The following INPP4B variants were observed in gnomAD, a reference collection of about 807,000 sequenced individuals.
INPP4B encodes inositol polyphosphate 4-phosphatase type II.
Under a neutral mutation model 122.5 loss-of-function variants are expected in INPP4B, and 55 were observed. The ratio of observed to expected loss-of-function variants is 0.45; its 90% CI spans 0.36 to 0.56. The LOEUF is 0.56. INPP4B is among the 20% of genes least tolerant of loss of function. The pLI is 0.00. For synonymous variants in INPP4B, 403 were observed against 388.7 expected (o/e 1.04, Z -0.43); for missense variants, 1,000 against 1,097.7 (o/e 0.91, Z 1.26).
chr4:142,805,001 T>C (rs1372032522), intron 1 of INPP4B, among the ~76,000 whole-genome samples: 2 of 152,182 alleles, frequency 1.3e-5, no homozygotes, highest in Non-Finnish European at 2.9e-5. Flanking sequence ...TCTGTATCAA[T>C]CACCACTATA....
At chr4:142,836,204 A>G (rs1018900154) in intron 1 of INPP4B, among the ~76,000 whole-genome samples, 7 of 152,170 alleles carry the variant, frequency 4.6e-5, no homozygotes. Context: ...ATATTTTGGC[A>G]CAGCTTTACA....
intron 1 of INPP4B, among the ~76,000 whole-genome samples, chr4:142,770,568 A>G (rs1772888700): frequency 6.6e-6 from 1 of 152,110 alleles, no homozygotes; most frequent in Admixed American, 6.6e-5. Context: ...TTAGGCAAGT[A>G]CCTTAGGTCA....
chr4:142,192,423 T>C (rs1040193155), intron 15 of INPP4B, among the ~76,000 whole-genome samples: 9 of 149,740 alleles, frequency 6.0e-5, no homozygotes, highest in Non-Finnish European at 1.0e-4. Flanking sequence ...ATAATGCACT[T>C]TATGTTTTAC....
intron 15 of INPP4B, among the ~76,000 whole-genome samples, chr4:142,178,849 AAT>A (rs1829518835): frequency 6.7e-6 from 1 of 149,892 alleles, no homozygotes; most frequent in African/African-American, 2.5e-5. Context: ...AAAAAAAAAA[AAT>A]GTGGTCTCTT....
At chr4:142,646,030 T>A (rs1436795901) in intron 2 of INPP4B, among the ~76,000 whole-genome samples, 1 of 152,306 alleles carries the variant, frequency 6.6e-6, no homozygotes, top group East Asian at 1.9e-4. Context: ...TGATCAGTAG[T>A]ATCCTGTGGC....
chr4:142,343,290 G>A (rs530338785), intron 7 of INPP4B, among the ~76,000 whole-genome samples: 1 of 152,056 alleles, frequency 6.6e-6, no homozygotes, highest in African/African-American at 2.4e-5. Flanking sequence ...ATTCTGACTG[G>A]TAAATTACCA....
chr4:142,527,931 A>T (rs1560760578), intron 2 of INPP4B, among the ~76,000 whole-genome samples: 1 of 152,010 alleles, frequency 6.6e-6, no homozygotes, highest in Non-Finnish European at 1.5e-5. Flanking sequence ...ATAAAATGGT[A>T]CGTAAAATTG....
intron 17 of INPP4B, among the ~76,000 whole-genome samples, chr4:142,158,015 C>G (rs1230095831): frequency 6.6e-6 from 1 of 152,066 alleles, no homozygotes; most frequent in Non-Finnish European, 1.5e-5. Flanking sequence ...TGACTTTCTT[C>G]CTTCTCTTGT....
At chr4:142,335,829 T>C (rs75249654) in intron 7 of INPP4B, among the ~76,000 whole-genome samples, 4,226 of 152,274 alleles carry the variant, frequency 0.028, 176 homozygotes, top group African/African-American at 0.096. Context: ...CCACTGATAG[T>C]GGCAGGAGAC....
intron 1 of INPP4B, among the ~76,000 whole-genome samples, chr4:142,827,103 C>T (rs891308692): frequency 2.0e-5 from 3 of 152,166 alleles, no homozygotes; most frequent in African/African-American, 7.2e-5. Context: ...GCCGCAAGTG[C>T]TTTATTCTGA....
intron 2 of INPP4B, among the ~76,000 whole-genome samples, chr4:142,504,673 T>A (rs1052561429): frequency 1.3e-5 from 2 of 152,130 alleles, no homozygotes; most frequent in Non-Finnish European, 2.9e-5. Flanking sequence ...TTAAAGAGAA[T>A]GAATGAGAGC....
chr4:142,204,981 C>T (rs57558331), intron 14 of INPP4B, among the ~76,000 whole-genome samples: 2,942 of 152,134 alleles, frequency 0.019, 106 homozygotes, highest in African/African-American at 0.066. Flanking sequence ...TTAGAAAATG[C>T]TTGCACGTGT....
At chr4:142,683,442 A>G (rs946579276) in intron 2 of INPP4B, among the ~76,000 whole-genome samples, 3 of 151,836 alleles carry the variant, frequency 2.0e-5, no homozygotes, top group African/African-American at 7.2e-5. Context: ...CAGATGCAGC[A>G]CAGAGTATCT....
intron 1 of INPP4B, among the ~76,000 whole-genome samples, chr4:142,757,492 G>A (rs1770672223): frequency 6.6e-6 from 1 of 152,028 alleles, no homozygotes; most frequent in Non-Finnish European, 1.5e-5. Flanking sequence ...TGTCTCCATA[G>A]TTTTGCCTTT....
intron 5 of INPP4B, among the ~76,000 whole-genome samples, chr4:142,423,980 A>C (rs1807501595): frequency 6.6e-6 from 1 of 152,150 alleles, no homozygotes; most frequent in South Asian, 2.1e-4. Context: ...TTGTATAATA[A>C]ATAATGATTT....
chr4:142,632,121 C>T (rs1365287024), intron 2 of INPP4B, among the ~76,000 whole-genome samples: 1 of 152,128 alleles, frequency 6.6e-6, no homozygotes, highest in East Asian at 1.9e-4. Flanking sequence ...CATGTTCTTA[C>T]ACTAAGGACA....
At chr4:142,431,636 T>C (rs546487963) in intron 3 of INPP4B, among the ~76,000 whole-genome samples, 11 of 152,266 alleles carry the variant, frequency 7.2e-5, no homozygotes, top group Admixed American at 2.0e-4. Flanking sequence ...TATCTTCTAG[T>C]TCAGTCTGTA....
intron 2 of INPP4B, among the ~76,000 whole-genome samples, chr4:142,598,659 CAT>C (rs972025494): frequency 1.3e-5 from 2 of 152,152 alleles, no homozygotes; most frequent in Non-Finnish European, 2.9e-5. Context: ...AACCAAAGCA[CAT>C]GTTTCTAGAG....
chr4:142,049,482 C>T (rs1188229665), intron 25 of INPP4B, among the ~76,000 whole-genome samples: 1 of 151,936 alleles, frequency 6.6e-6, no homozygotes, highest in South Asian at 2.1e-4. Flanking sequence ...ATTTATGACT[C>T]AAGCTGAGAA....
Sources: allele counts gnomAD v4.1 joint callset (sites outside exome capture counted in the v4.1 genomes callset), GRCh38; gene constraint gnomAD v4.1.1; transcripts MANE v1.5; gene names NCBI Gene and HGNC (gene_info 2026-07-23, HGNC 2026-07-21).